The following RUVBL1 variants were observed in gnomAD, a reference collection of about 807,000 sequenced individuals.
The protein encoded by RUVBL1 is ruvB-like 1.
RUVBL1 carries 4 observed loss-of-function variants against 52.4 expected under a neutral mutation model. The ratio of observed to expected loss-of-function variants is 0.08; its 90% CI spans 0.04 to 0.17. The LOEUF is 0.17. Among genes scored for constraint, RUVBL1 ranks in the 10% least tolerant of loss-of-function variants. RUVBL1 has a pLI of 1.00. For missense variants in RUVBL1, 298 were observed against 572.8 expected (o/e 0.52, Z 4.90); for synonymous variants, 217 against 214.4 (o/e 1.01, Z -0.10).
intron 9 of RUVBL1, among the ~76,000 whole-genome samples, chr3:128,066,007 G>A (rs989951164): frequency 6.6e-6 from 1 of 152,112 alleles, no homozygotes; most frequent in East Asian, 1.9e-4. Context: ...ATTACAAAGC[G>A]CTGGGATTAC....
chr3:128,113,154 A>AAATTC, intron 2 of RUVBL1, 134 bp from the exon 3 acceptor site: 2 of 1,016,922 alleles, frequency 2.0e-6, no homozygotes, highest in East Asian at 5.4e-5. Flanking sequence ...TTCACACAAT[A>AAATTC]AATGTTTGAT....
chr3:128,109,035 G>C (rs1576464995), intron 3 of RUVBL1, among the ~76,000 whole-genome samples: 1 of 152,108 alleles, frequency 6.6e-6, no homozygotes, highest in Admixed American at 6.5e-5. Context: ...TACACACATG[G>C]GGTGTACAAG....
chr3:128,101,799 A>C, intron 4 of RUVBL1, 151 bp from the exon 5 acceptor site: 1 of 718,484 alleles, frequency 1.4e-6, no homozygotes. Flanking sequence ...GACCTGCAGG[A>C]GTGTGAATGC....
At chr3:128,073,192 A>G (rs1338088890) in intron 9 of RUVBL1, among the ~76,000 whole-genome samples, 2 of 152,160 alleles carry the variant, frequency 1.3e-5, no homozygotes, top group African/African-American at 4.8e-5. Flanking sequence ...TAGCTGGGGC[A>G]AGGAATGAGG....
At position 128,101,646 on chromosome 3, in the gene RUVBL1, C is replaced by T. The variant is rs375085121; in HGVS notation, c.516G>A (p.Leu172=). The T allele has an allele frequency of 1.9e-6, 3 of 1,612,458 alleles. No homozygotes were observed. In the Admixed American group the frequency reaches 5.0e-5, roughly 27 times the overall value. Residue 172 remains leucine, a splice_region_variant and synonymous_variant, in exon 5 of 11, where the codon CTG becomes CTA. Coordinates refer to ENST00000322623, the MANE Select transcript of RUVBL1 (RefSeq NM_003707.3). ...KTAKGTKQLK[L]DPSIFESLQK... The stretch of plus-strand genomic sequence containing the variant: ...GCAAACTTTCAAAAATGCTGGGGTC[C>T]AGCTAAAAAAAAAAATGTAAATCAG...
At chr3:128,131,554 C>T (rs753288238) in intron 1 of RUVBL1, among the ~76,000 whole-genome samples, 1 of 152,016 alleles carries the variant, frequency 6.6e-6, no homozygotes, top group South Asian at 2.1e-4. Context: ...AGATCAAGAT[C>T]CTGTATGAAT....
chr3:128,111,930 G>A (rs1444051793), intron 3 of RUVBL1, among the ~76,000 whole-genome samples: 1 of 152,086 alleles, frequency 6.6e-6, no homozygotes, highest in African/African-American at 2.4e-5. Flanking sequence ...AAACATACTC[G>A]CACATGTGCA....
intron 8 of RUVBL1, among the ~76,000 whole-genome samples, chr3:128,095,895 C>T (rs1330406435): frequency 6.6e-6 from 1 of 152,180 alleles, no homozygotes; most frequent in Non-Finnish European, 1.5e-5. Flanking sequence ...GAGTACACTA[C>T]AGGTGCATAC....
chr3:128,150,020 G>A (rs1051942572), intron 1 of RUVBL1, among the ~76,000 whole-genome samples: 2 of 152,208 alleles, frequency 1.3e-5, no homozygotes, highest in African/African-American at 4.8e-5. Context: ...CTCTGAGCCT[G>A]CTGTTTTCTC....
At position 128,067,229 on chromosome 3, in the gene RUVBL1, G is replaced by T; in HGVS notation, c.940-2009C>A. On this transcript the variant is annotated intron_variant, in intron 9 of 9. Coordinates refer to the RUVBL1 transcript ENST00000464873. The surrounding 1 kb of genome is among the most constrained non-coding windows in gnomAD (Gnocchi z 4.1). ...TCTATCAGTGTCTTGCTCATGAACA[G>T]ATATTTCATCCAAAGATATTTTCCA... 2 of 1,392,696 alleles carry T rather than the reference G, an allele frequency of 1.4e-6. No individual in the cohort carries two copies. The highest frequency in any genetic ancestry group is 2.0e-6 in the Non-Finnish European group (2 of 988,930). The allele number at this position is 1,392,696 out of a possible 1,614,324, so 86.3% of individuals were successfully genotyped here.
intron 8 of RUVBL1, among the ~76,000 whole-genome samples, chr3:128,088,320 A>G (rs980803134): frequency 6.6e-6 from 1 of 150,932 alleles, no homozygotes; most frequent in Non-Finnish European, 1.5e-5. Flanking sequence ...ATATCATAGC[A>G]AAACTGGGAA....
chr3:128,137,845 T>A (rs1198438891), intron 1 of RUVBL1, among the ~76,000 whole-genome samples: 4 of 152,200 alleles, frequency 2.6e-5, no homozygotes, highest in Non-Finnish European at 5.9e-5. Context: ...TCATTCATCA[T>A]AACCAAGTGG....
intron 9 of RUVBL1, chr3:128,083,594 A>C (rs1279910902): frequency 1.3e-5 from 2 of 152,404 alleles, no homozygotes; most frequent in East Asian, 3.9e-4. Context: ...GGCTGCCCAC[A>C]GATGGGAAAG....
At chr3:128,090,648 A>T (rs1942811281) in intron 8 of RUVBL1, among the ~76,000 whole-genome samples, 1 of 152,246 alleles carries the variant, frequency 6.6e-6, no homozygotes, top group Non-Finnish European at 1.5e-5. Flanking sequence ...ATTAAGAAGA[A>T]TTATAAAGAT....
chr3:128,152,159 T>C (rs2107743371), intron 1 of RUVBL1, among the ~76,000 whole-genome samples: 1 of 152,338 alleles, frequency 6.6e-6, no homozygotes, highest in Non-Finnish European at 1.5e-5. Flanking sequence ...CTCTGGTTGG[T>C]GACTATGGCT....
At chr3:128,096,364 GA>G (rs1942969398) in intron 8 of RUVBL1, among the ~76,000 whole-genome samples, 1 of 152,220 alleles carries the variant, frequency 6.6e-6, no homozygotes, top group African/African-American at 2.4e-5. Flanking sequence ...GCAACCGCAG[GA>G]AAGTTCCTGG....
At chr3:128,141,636 A>G (rs34689870) in intron 1 of RUVBL1, among the ~76,000 whole-genome samples, 21,027 of 152,128 alleles carry the variant, frequency 0.14, 1,632 homozygotes, top group African/African-American at 0.2. Context: ...AGCTGGGATT[A>G]CAGATGCCCA....
chr3:128,087,847 G>C, intron 8 of RUVBL1, 39 bp from the exon 9 acceptor site: 1 of 1,316,710 alleles, frequency 7.6e-7, no homozygotes, highest in Non-Finnish European at 1.1e-6. Context: ...CTAAGCCTCT[G>C]TTAGACAAGA....
At chr3:128,095,376 C>A (rs1039631801) in intron 8 of RUVBL1, among the ~76,000 whole-genome samples, 1 of 152,270 alleles carries the variant, frequency 6.6e-6, no homozygotes, top group African/African-American at 2.4e-5. Context: ...CAGGCTTCAG[C>A]CTGGCCTAGC....
Sources: gnomAD v4.1 joint callset for allele counts (sites outside exome capture counted in the v4.1 genomes callset) on GRCh38, gnomAD v4.1.1 for gene constraint, Gnocchi (gnomAD v3.1) non-coding constraint, MANE v1.5 for transcripts, NCBI Gene and HGNC (gene_info 2026-07-23, HGNC 2026-07-21) for gene names.